Variants in CDK14 observed in about 807,000 individuals in gnomAD.
CDK14 encodes cyclin-dependent kinase 14.
Under a neutral mutation model 60.7 loss-of-function variants are expected in CDK14, and 34 were observed. The ratio of observed to expected loss-of-function variants is 0.56; its 90% CI spans 0.43 to 0.75. The LOEUF is 0.75. CDK14 is among the 30% of genes least tolerant of loss of function. The probability of loss-of-function intolerance (pLI) is 0.00; values close to 1 mark genes in which losing one functional copy is unlikely to be tolerated. For synonymous variants in CDK14, 197 were observed against 203.7 expected, an observed-to-expected ratio of 0.97 and a Z score of 0.28; for missense variants, 482 against 564.1, an observed-to-expected ratio of 0.85 and a Z score of 1.47.
At chr7:90,881,815 C>G (rs988637489) in intron 6 of CDK14, among the ~76,000 whole-genome samples, 2 of 152,092 alleles carry the variant, frequency 1.3e-5, no homozygotes, top group African/African-American at 4.8e-5. Flanking sequence ...TTCCAGCCCA[C>G]AATTTCATAT....
In CDK14 at chr7:90,923,836, T is replaced by A. The variant is rs368821487; in HGVS notation, c.826+6112T>A. On this transcript the variant is annotated intron_variant, in intron 8 of 14. Transcript: ENST00000380050. ...TAAATCAAATAAGTCATACTGGATG[T>A]AAGTTAAAATATAGCCATGTATCCT... Among the ~76,000 whole-genome samples the A allele has an allele frequency of 2.6e-5, 4 of 152,222 alleles. No homozygotes were observed. The South Asian group carries it at 6.2e-4, about 24-fold the overall frequency.
Position 90,671,008 on chromosome 7 carries a change from T to C in CDK14, c.124-55559T>C, listed in dbSNP as rs578086427. ...ATTGCTGAGGAAAAAAAATAAAGAATAGGGGAGGTTTTTATGTGGATGAGC... is the reference window on the plus strand; with the variant it reads ...ATTGCTGAGGAAAAAAAATAAAGAACAGGGGAGGTTTTTATGTGGATGAGC... On this transcript the variant is annotated intron_variant, in intron 2 of 14. Transcript: ENST00000380050. Among the ~76,000 whole-genome samples the C allele has an allele frequency of 2.2e-4, 33 of 152,112 alleles. 1 individual carries two copies. In the South Asian group the frequency reaches 6.8e-3, roughly 32 times the overall value.
intron 8 of CDK14, among the ~76,000 whole-genome samples, chr7:90,937,820 A>C (rs898013300): frequency 6.6e-6 from 1 of 152,214 alleles, no homozygotes; most frequent in Admixed American, 6.5e-5. Context: ...AGTTGTTCTT[A>C]CTAATAACCA....
chr7:90,947,395 T>G (rs2117533939), intron 8 of CDK14, among the ~76,000 whole-genome samples: 1 of 152,314 alleles, frequency 6.6e-6, no homozygotes, highest in Non-Finnish European at 1.5e-5. Context: ...TAGCACTACC[T>G]GCATTTTCCC....
At chr7:90,933,080 C>G (rs1793643541) in intron 8 of CDK14, among the ~76,000 whole-genome samples, 1 of 152,060 alleles carries the variant, frequency 6.6e-6, no homozygotes, top group Non-Finnish European at 1.5e-5. Flanking sequence ...TGGCTCATGT[C>G]TGTAATCCCA....
At chr7:90,869,382 A>G (rs1791294350) in intron 6 of CDK14, among the ~76,000 whole-genome samples, 1 of 152,180 alleles carries the variant, frequency 6.6e-6, no homozygotes, top group African/African-American at 2.4e-5. Context: ...GAGGAACAGC[A>G]GGGCTGTGGC....
chr7:90,671,795 G>A (rs1365763071), intron 2 of CDK14, among the ~76,000 whole-genome samples: 1 of 152,160 alleles, frequency 6.6e-6, no homozygotes, highest in Non-Finnish European at 1.5e-5. Flanking sequence ...TAACAAACAA[G>A]CAGTTCCTTC....
At chr7:90,933,212 C>T (rs1005156200) in intron 8 of CDK14, among the ~76,000 whole-genome samples, 5 of 149,006 alleles carry the variant, frequency 3.4e-5, no homozygotes, top group East Asian at 2.0e-4. Flanking sequence ...CCCAGGAGGT[C>T]GAGACTGCAG....
At chr7:91,041,520 A>G (rs1360119931) in intron 10 of CDK14, among the ~76,000 whole-genome samples, 2 of 152,210 alleles carry the variant, frequency 1.3e-5, no homozygotes, top group Non-Finnish European at 2.9e-5. Context: ...ATATAAGTGG[A>G]TTTTAAACAG....
intron 14 of CDK14, among the ~76,000 whole-genome samples, chr7:91,149,775 A>G (rs932139796): frequency 2.0e-4 from 31 of 152,230 alleles, no homozygotes; most frequent in African/African-American, 7.5e-4. Flanking sequence ...TAACTAGGCC[A>G]TATGGGTGTG....
intron 14 of CDK14, among the ~76,000 whole-genome samples, chr7:91,141,272 GAGA>G (rs1375593671): frequency 6.6e-6 from 1 of 152,178 alleles, no homozygotes; most frequent in Non-Finnish European, 1.5e-5. Flanking sequence ...AGAGTGGTGG[GAGA>G]AGGACAGAGA....
intron 5 of CDK14, among the ~76,000 whole-genome samples, chr7:90,836,430 G>A (rs977931513): frequency 1.9e-4 from 29 of 152,006 alleles, no homozygotes; most frequent in Admixed American, 1.9e-3. Context: ...GATTCATGGG[G>A]TCAGGATTAT....
intron 10 of CDK14, among the ~76,000 whole-genome samples, chr7:91,033,439 G>A (rs1796821958): frequency 6.6e-6 from 1 of 152,190 alleles, no homozygotes; most frequent in Non-Finnish European, 1.5e-5. Context: ...GTGCTTTTTA[G>A]GTCGAAAAGT....
chr7:91,033,619 C>A (rs1490125629), intron 10 of CDK14, among the ~76,000 whole-genome samples: 1 of 152,202 alleles, frequency 6.6e-6, no homozygotes, highest in Non-Finnish European at 1.5e-5. Context: ...AGCAGCAGGG[C>A]TGTAGCATCT....
chr7:90,784,835 T>G (rs1223230338), intron 4 of CDK14, among the ~76,000 whole-genome samples: 1 of 152,234 alleles, frequency 6.6e-6, no homozygotes, highest in Admixed American at 6.5e-5. Context: ...TTAAGTTTAA[T>G]TTTTGAAATA....
At chr7:90,788,865 G>A (rs1293418612) in intron 4 of CDK14, among the ~76,000 whole-genome samples, 2 of 152,112 alleles carry the variant, frequency 1.3e-5, no homozygotes, top group African/African-American at 4.8e-5. Context: ...ATTGCAACAA[G>A]AGACCATTTT....
At chr7:90,627,657 A>C (rs2116391196) in intron 2 of CDK14, among the ~76,000 whole-genome samples, 1 of 152,314 alleles carries the variant, frequency 6.6e-6, no homozygotes, top group South Asian at 2.1e-4. Flanking sequence ...TTCTAGAGAG[A>C]TTTCCTTTGT....
chr7:90,948,825 T>G (rs1794172630), intron 8 of CDK14, among the ~76,000 whole-genome samples: 1 of 152,120 alleles, frequency 6.6e-6, no homozygotes, highest in South Asian at 2.1e-4. Flanking sequence ...AATAACAAAA[T>G]AACAAACCTA....
chr7:90,955,940 GC>G, intron 9 of CDK14, 123 bp downstream of exon 9: 1 of 1,122,970 alleles, frequency 8.9e-7, no homozygotes, highest in Non-Finnish European at 1.3e-6. Flanking sequence ...CCTGCATGTG[GC>G]CATGCTGCTG....
Sources: gnomAD v4.1 joint callset for allele counts (sites outside exome capture counted in the v4.1 genomes callset) on GRCh38, gnomAD v4.1.1 for gene constraint, MANE v1.5 for transcripts, NCBI Gene and HGNC (gene_info 2026-07-23, HGNC 2026-07-21) for gene names.